VPS53: variants seen among roughly 807,000 people sequenced by gnomAD.
The protein encoded by VPS53 is vacuolar protein sorting-associated protein 53 homolog.
VPS53 carries 70 observed loss-of-function variants against 107.0 expected under a neutral mutation model. The observed-to-expected ratio is 0.65, with a 90% confidence interval of 0.54 to 0.80. The LOEUF (loss-of-function observed/expected upper bound fraction) is 0.80. Among genes scored for constraint, VPS53 ranks in the 30% least tolerant of loss-of-function variants. The pLI, the probability that VPS53 is intolerant of heterozygous loss-of-function variation, is 0.00. For synonymous variants in VPS53, 409 were observed against 393.3 expected (o/e 1.04, Z -0.47); for missense variants, 917 against 1,049.4 (o/e 0.87, Z 1.74).
rs755507254 is a variant in VPS53 at position 546,185 on chromosome 17, AC to A, written c.1866+5686del. ...GAATGCTGCTGAATCTTTGCCTCAC[AC>A]CATATGCAAAAATTAACTCGAAATG... On this transcript the variant is annotated intron_variant, in intron 17 of 21. Coordinates refer to ENST00000437048, the MANE Select transcript of VPS53 (RefSeq NM_001128159.3). 6.6e-5 allele frequency among the ~76,000 whole-genome samples: 10 copies of A among 152,322 alleles called. No homozygotes were observed. The East Asian group carries it at 1.5e-3, about 23-fold the overall frequency.
At chr17:637,559 G>C (rs1970248692) in intron 7 of VPS53, among the ~76,000 whole-genome samples, 1 of 152,136 alleles carries the variant, frequency 6.6e-6, no homozygotes, top group African/African-American at 2.4e-5. Flanking sequence ...GGCATTTAGT[G>C]TTATAAATTT....
chr17:615,113 C>T (rs1483279739), intron 11 of VPS53, among the ~76,000 whole-genome samples: 1 of 152,212 alleles, frequency 6.6e-6, no homozygotes, highest in Non-Finnish European at 1.5e-5. Context: ...CACATCCAGA[C>T]ATTCTCTTTT....
chr17:577,715 G>A (rs901809617), intron 13 of VPS53, among the ~76,000 whole-genome samples: 18 of 141,024 alleles, frequency 1.3e-4, no homozygotes, highest in Non-Finnish European at 6.1e-5. Context: ...TCCTAAGCAC[G>A]TAATTCATTC....
intron 4 of VPS53, chr17:675,410 G>A (rs981458552): frequency 3.3e-5 from 5 of 152,128 alleles, no homozygotes; most frequent in African/African-American, 9.7e-5. Flanking sequence ...TTAAGAATTC[G>A]GTCTGAGATG....
intron 3 of VPS53, among the ~76,000 whole-genome samples, chr17:698,432 CAAAAA>C (rs1208695389): frequency 1.0e-5 from 1 of 97,256 alleles, no homozygotes; most frequent in Non-Finnish European, 2.1e-5. Context: ...GACTCCATCT[CAAAAA>C]AAAAAAAAAA....
chr17:555,976 A>G (rs1912309749), intron 15 of VPS53, among the ~76,000 whole-genome samples: 1 of 152,196 alleles, frequency 6.6e-6, no homozygotes, highest in South Asian at 2.1e-4. Context: ...AGAAGAAACC[A>G]GAGACTTAAT....
intron 7 of VPS53, among the ~76,000 whole-genome samples, chr17:648,485 C>T (rs914183778): frequency 6.6e-6 from 1 of 152,018 alleles, no homozygotes; most frequent in Non-Finnish European, 1.5e-5. Context: ...CAGGAGGCGG[C>T]GATTGCAGTG....
At chr17:690,461 T>C (rs1972738935) in intron 4 of VPS53, among the ~76,000 whole-genome samples, 1 of 152,232 alleles carries the variant, frequency 6.6e-6, no homozygotes, top group Non-Finnish European at 1.5e-5. Flanking sequence ...GAAAAACTGA[T>C]AGATCTGGCA....
chr17:619,777 C>T (rs1383928378), intron 11 of VPS53, among the ~76,000 whole-genome samples: 2 of 140,790 alleles, frequency 1.4e-5, no homozygotes, highest in East Asian at 2.4e-4. Context: ...TGCACCACCA[C>T]GCCCCGCTAA....
chr17:546,094 C>A (rs1232365327), intron 17 of VPS53, among the ~76,000 whole-genome samples: 1 of 152,100 alleles, frequency 6.6e-6, no homozygotes, highest in Non-Finnish European at 1.5e-5. Flanking sequence ...TCAAGATCAT[C>A]CAATGTGAAA....
intron 12 of VPS53, among the ~76,000 whole-genome samples, chr17:594,192 G>C (rs1967829621): frequency 6.6e-6 from 1 of 152,204 alleles, no homozygotes; most frequent in African/African-American, 2.4e-5. Flanking sequence ...ATAGCACTGG[G>C]AGATATACCT....
intron 5 of VPS53, 35 bp downstream of exon 5, chr17:661,774 T>A: frequency 6.5e-7 from 1 of 1,538,734 alleles, no homozygotes; most frequent in Non-Finnish European, 8.8e-7. Context: ...CTTCCTCTTT[T>A]GGTGCAAAAA....
At chr17:526,890 C>A (rs1159134963) in intron 19 of VPS53, among the ~76,000 whole-genome samples, 2 of 152,198 alleles carry the variant, frequency 1.3e-5, no homozygotes, top group East Asian at 3.8e-4. Flanking sequence ...CAGGCCCACA[C>A]TCCTAGAAGA....
intron 7 of VPS53, chr17:632,803 G>C: frequency 2.2e-6 from 1 of 456,162 alleles, no homozygotes; most frequent in Non-Finnish European, 4.4e-6. Flanking sequence ...TTCACATCAC[G>C]TCCAGTTCAA....
chr17:679,565 T>C (rs1327996769), intron 4 of VPS53, among the ~76,000 whole-genome samples: 1 of 151,866 alleles, frequency 6.6e-6, no homozygotes, highest in African/African-American at 2.4e-5. Flanking sequence ...AACAGAGAAT[T>C]GGAAAGGATG....
chr17:556,767 C>T (rs1335642636), intron 15 of VPS53, among the ~76,000 whole-genome samples: 2 of 151,156 alleles, frequency 1.3e-5, no homozygotes, highest in African/African-American at 4.9e-5. Flanking sequence ...TGGCATGTAA[C>T]TTAAAACTAA....
At chr17:566,203 CAA>C (rs1003234136) in intron 13 of VPS53, among the ~76,000 whole-genome samples, 22 of 57,284 alleles carry the variant, frequency 3.8e-4, no homozygotes, top group Non-Finnish European at 4.4e-4. Flanking sequence ...GACTCCGTCT[CAA>C]AAAAAAAAAA....
chr17:698,660 A>G (rs1009022914), intron 3 of VPS53, among the ~76,000 whole-genome samples: 1 of 151,838 alleles, frequency 6.6e-6, no homozygotes, highest in Non-Finnish European at 1.5e-5. Context: ...CTGTAACTGC[A>G]CCAGTACGCT....
intron 19 of VPS53, among the ~76,000 whole-genome samples, chr17:526,173 T>C (rs564155576): frequency 6.6e-6 from 1 of 152,254 alleles, no homozygotes; most frequent in Non-Finnish European, 1.5e-5. Flanking sequence ...GTAGCAAATT[T>C]TGAGAGCCTT....
Sources: gnomAD v4.1 joint callset for allele counts (sites outside exome capture counted in the v4.1 genomes callset) on GRCh38, gnomAD v4.1.1 for gene constraint, MANE v1.5 for transcripts, NCBI Gene and HGNC (gene_info 2026-07-23, HGNC 2026-07-21) for gene names.